TENM1: variants seen among roughly 807,000 people sequenced by gnomAD.
The protein encoded by TENM1 is teneurin-1.
Under a neutral mutation model 174.8 loss-of-function variants are expected in TENM1, and 35 were observed. The ratio of observed to expected loss-of-function variants is 0.20; its 90% CI spans 0.15 to 0.27. TENM1 has a LOEUF of 0.27. TENM1 is among the 10% of genes least tolerant of loss of function. The probability of loss-of-function intolerance (pLI) is 1.00; values close to 1 mark genes in which losing one functional copy is unlikely to be tolerated. For synonymous variants in TENM1, 781 were observed against 798.7 expected, an observed-to-expected ratio of 0.98 and a Z score of 0.37; for missense variants, 1,633 against 2,130.1, an observed-to-expected ratio of 0.77 and a Z score of 4.59.
chrX:124,699,937 TA>T (rs2052737851), intron 5 of TENM1, among the ~76,000 whole-genome samples: 1 of 111,581 alleles, frequency 9.0e-6, no homozygotes, highest in African/African-American at 3.2e-5. Context: ...AATGCTAATA[TA>T]AAAACTGTCA....
At chrX:124,671,588 T>G in intron 6 of TENM1, 95 bp downstream of exon 9, 1 of 902,020 alleles carries the variant, frequency 1.1e-6, no homozygotes, top group Non-Finnish European at 1.5e-6. Context: ...CAAGTGATCA[T>G]GAAATTTAAT....
chrX:124,724,744 C>G (rs898060404), intron 4 of TENM1, among the ~76,000 whole-genome samples: 4 of 111,731 alleles, frequency 3.6e-5, no homozygotes, highest in Admixed American at 9.4e-5. Context: ...TGCAGTGGGT[C>G]ATGATTGTGC....
chrX:125,010,541 G>A, the TENM1 span, among the ~76,000 whole-genome samples: 39 of 109,233 alleles, frequency 3.6e-4, no homozygotes, highest in African/African-American at 6.3e-4. Flanking sequence ...CAGGCCGGGC[G>A]CAGTGGCTCA....
intron 1 of TENM1, among the ~76,000 whole-genome samples, chrX:124,944,097 G>A (rs1179147931): frequency 9.0e-6 from 1 of 111,295 alleles, no homozygotes; most frequent in African/African-American, 3.3e-5. Flanking sequence ...TTCCCAACTG[G>A]ATGAAGTATA....
At position 124,563,851 on chromosome X, in the gene TENM1, T is replaced by C. The variant is rs979069365; in HGVS notation, c.2264-79A>G. 12 of 956,980 alleles carry C rather than the reference T, an allele frequency of 1.3e-5. No individual in the cohort carries two copies. In the African/African-American group the frequency reaches 1.9e-4, roughly 15 times the overall value. 78.9% of individuals were successfully genotyped at this position (956,980 alleles called of 1,213,427 possible). On this transcript the variant is annotated intron_variant, in intron 12 of 31. Transcript: ENST00000422452. ...TACAATATGTACTAATGGTTTACCA[T>C]CTGTTGCCTGGGAGGAGAACAGCAA...
rs751406733 is a variant in TENM1 at position 124,380,757 on chromosome X, G to A, written c.7978C>T (p.Arg2660Cys). The change falls in exon 32 of 32, where the codon CGC becomes TGC. Residue 2660 changes from arginine (R) to cysteine (C), a missense_variant. Transcript: ENST00000422452. Reference sequence around the variant, plus strand: ...TTAGTCCAGGCCTGGGCCACTGCGCGCTGTCTGGCAATCTCCAACACGTGA... The same window carrying A: ...TTAGTCCAGGCCTGGGCCACTGCGCACTGTCTGGCAATCTCCAACACGTGA... 32 of 1,209,300 alleles carry A rather than the reference G, an allele frequency of 2.6e-5. No individual in the cohort carries two copies. The highest frequency in any genetic ancestry group is 5.9e-5 in the East Asian group (2 of 33,770).
chrX:124,757,018 C>G (rs2054271628), intron 3 of TENM1, among the ~76,000 whole-genome samples: 1 of 112,237 alleles, frequency 8.9e-6, no homozygotes, highest in Non-Finnish European at 1.9e-5. Context: ...CTGGTCTCTT[C>G]AAAGCTGTCA....
chrX:124,546,381 G>T (rs1261912605), intron 15 of TENM1, among the ~76,000 whole-genome samples: 1 of 111,665 alleles, frequency 9.0e-6, no homozygotes, highest in African/African-American at 3.3e-5. Flanking sequence ...TTTGCCTTAT[G>T]GGTTGGGCTT....
chrX:124,612,563 A>AT (rs1477148666), intron 11 of TENM1, among the ~76,000 whole-genome samples: 1 of 111,421 alleles, frequency 9.0e-6, no homozygotes, highest in Non-Finnish European at 1.9e-5. Context: ...CAAGCAAGCC[A>AT]TTTTTTTACC....
chrX:125,148,177 T>G, the TENM1 span, among the ~76,000 whole-genome samples: 4 of 110,873 alleles, frequency 3.6e-5, no homozygotes, highest in African/African-American at 6.6e-5. Context: ...CCTCTCACTA[T>G]TCTCTCTCTT....
At chrX:125,080,542 G>A in the TENM1 span, among the ~76,000 whole-genome samples, 1 of 111,215 alleles carries the variant, frequency 9.0e-6, no homozygotes, top group African/African-American at 3.3e-5. Context: ...TTACAGATGC[G>A]GAAACTAGGA....
the TENM1 span, among the ~76,000 whole-genome samples, chrX:124,999,376 T>A: frequency 9.0e-6 from 1 of 110,809 alleles, no homozygotes; most frequent in Non-Finnish European, 1.9e-5. Context: ...GACAAGGGCT[T>A]CATGGAAGGA....
At chrX:125,062,323 G>C in the TENM1 span, among the ~76,000 whole-genome samples, 1 of 111,305 alleles carries the variant, frequency 9.0e-6, no homozygotes, top group South Asian at 3.8e-4. Context: ...ATAAGATTAA[G>C]ATATAGCTGC....
intron 3 of TENM1, among the ~76,000 whole-genome samples, chrX:124,802,940 T>C (rs1320039554): frequency 2.7e-5 from 3 of 112,323 alleles, no homozygotes; most frequent in Middle Eastern, 4.6e-3. Flanking sequence ...TAGATATCAG[T>C]AGTGGCTAAG....
the TENM1 span, among the ~76,000 whole-genome samples, chrX:125,135,731 G>A: frequency 8.9e-6 from 1 of 112,043 alleles, no homozygotes; most frequent in African/African-American, 3.2e-5. Flanking sequence ...CAAAAGAAAA[G>A]TGTAGAGTAT....
intron 16 of TENM1, among the ~76,000 whole-genome samples, chrX:124,528,373 A>G (rs13328630): frequency 0.095 from 10,561 of 111,504 alleles, 515 homozygotes; most frequent in African/African-American, 0.19. Flanking sequence ...GTGAATATCA[A>G]ATAATTCACC....
At chrX:125,132,673 G>A in the TENM1 span, among the ~76,000 whole-genome samples, 14 of 111,666 alleles carry the variant, frequency 1.3e-4, no homozygotes, top group Non-Finnish European at 2.1e-4. Flanking sequence ...ATGATTGATT[G>A]TAGGTACTAT....
At chrX:124,577,827 G>A (rs777724189) in intron 11 of TENM1, among the ~76,000 whole-genome samples, 1 of 111,798 alleles carries the variant, frequency 8.9e-6, no homozygotes, top group East Asian at 2.8e-4. Context: ...TGCATGCTAC[G>A]CATTTCTACC....
the TENM1 span, among the ~76,000 whole-genome samples, chrX:125,011,306 G>C: frequency 1.8e-5 from 2 of 111,856 alleles, no homozygotes; most frequent in Non-Finnish European, 3.8e-5. Context: ...CCAAAAGCTA[G>C]TGCAACAAAA....
Sources: gnomAD v4.1 joint callset for allele counts (sites outside exome capture counted in the v4.1 genomes callset) on GRCh38, gnomAD v4.1.1 for gene constraint, MANE v1.5 for transcripts, NCBI Gene and HGNC (gene_info 2026-07-23, HGNC 2026-07-21) for gene names.